The following NPEPPS variants were observed in gnomAD, a reference collection of about 807,000 sequenced individuals.
The protein encoded by NPEPPS is puromycin-sensitive aminopeptidase.
Under a neutral mutation model 115.5 loss-of-function variants are expected in NPEPPS, and 14 were observed. The observed-to-expected ratio is 0.12, with a 90% confidence interval of 0.08 to 0.19. The LOEUF is 0.19. Among genes scored for constraint, NPEPPS ranks in the 10% least tolerant of loss-of-function variants. The probability of loss-of-function intolerance (pLI) is 1.00; values close to 1 mark genes in which losing one functional copy is unlikely to be tolerated. For synonymous variants in NPEPPS, 285 were observed against 390.6 expected, an observed-to-expected ratio of 0.73 and a Z score of 3.19; for missense variants, 523 against 1,110.8, an observed-to-expected ratio of 0.47 and a Z score of 7.52.
At chr17:47,588,515 G>A (rs1912323217) in intron 9 of NPEPPS, among the ~76,000 whole-genome samples, 1 of 150,930 alleles carries the variant, frequency 6.6e-6, no homozygotes, top group Admixed American at 6.6e-5. Flanking sequence ...AGTGAGCCGA[G>A]ATCACGCCAC....
chr17:47,554,841 G>T (rs1909894264), intron 2 of NPEPPS, among the ~76,000 whole-genome samples: 1 of 152,160 alleles, frequency 6.6e-6, no homozygotes, highest in Admixed American at 6.6e-5. Context: ...TGCCTAATGG[G>T]CTGGGTGGCA....
chr17:47,608,757 G>T (rs1913668016), intron 17 of NPEPPS, among the ~76,000 whole-genome samples: 1 of 152,076 alleles, frequency 6.6e-6, no homozygotes, highest in South Asian at 2.1e-4. Flanking sequence ...AGAGCCAGGA[G>T]AGAGGGGGGG....
chr17:47,622,322 G>A lies in NPEPPS; in HGVS notation c.*402G>A, dbSNP rs928275007. ...ATTTTTGTGAAGTGGGTTCTGCAAG[G>A]AGCCTATAAAGCCAAGGGTGGTGTC... is the stretch of plus-strand genomic sequence containing the variant. On this transcript the variant is annotated 3_prime_UTR_variant, in exon 23 of 23. Coordinates refer to ENST00000322157, the MANE Select transcript of NPEPPS (RefSeq NM_006310.4). 1.1e-4 allele frequency: 18 copies of A among 164,788 alleles called. No homozygotes were observed. The highest frequency in any genetic ancestry group is 2.2e-4 in the Non-Finnish European group (17 of 77,062). The allele number at this position is 164,788 out of a possible 1,614,324, so 10.2% of individuals were successfully genotyped here.
At chr17:47,591,442 G>C (rs1272682146) in intron 10 of NPEPPS, among the ~76,000 whole-genome samples, 10 of 152,030 alleles carry the variant, frequency 6.6e-5, no homozygotes, top group Admixed American at 6.6e-4. Context: ...CATTGTTTAT[G>C]TCAAGGAAAA....
chr17:47,610,845 CT>C (rs59893483), intron 17 of NPEPPS, among the ~76,000 whole-genome samples: 57 of 100,096 alleles, frequency 5.7e-4, no homozygotes, highest in African/African-American at 1.2e-3. Flanking sequence ...TATGATGACT[CT>C]TTTTTTTTTT....
chr17:47,545,203 C>T (rs1909111080), intron 1 of NPEPPS, among the ~76,000 whole-genome samples: 1 of 152,112 alleles, frequency 6.6e-6, no homozygotes, highest in Non-Finnish European at 1.5e-5. Flanking sequence ...CACTGTGTTG[C>T]CCAAGCTGGT....
upstream of NPEPPS, among the ~76,000 whole-genome samples, chr17:47,528,841 G>A (rs1007863587): frequency 6.6e-6 from 1 of 151,688 alleles, no homozygotes; most frequent in African/African-American, 2.4e-5. Flanking sequence ...TCACCATGTT[G>A]GTCAGGCTGG....
At chr17:47,598,838 T>G (rs900895842) in intron 13 of NPEPPS, among the ~76,000 whole-genome samples, 1 of 152,140 alleles carries the variant, frequency 6.6e-6, no homozygotes, top group African/African-American at 2.4e-5. Context: ...AAACTCATCC[T>G]CCATTTTGCA....
chr17:47,555,590 G>A (rs938356912), intron 2 of NPEPPS, among the ~76,000 whole-genome samples: 6 of 151,012 alleles, frequency 4.0e-5, no homozygotes, highest in Non-Finnish European at 5.9e-5. Flanking sequence ...CAGGTGATCT[G>A]CCTGCCTCAG....
intron 9 of NPEPPS, among the ~76,000 whole-genome samples, chr17:47,588,453 A>G (rs1336128942): frequency 6.6e-6 from 1 of 151,402 alleles, no homozygotes; most frequent in African/African-American, 2.4e-5. Flanking sequence ...AATCCTAGCT[A>G]CTCTGGAGGT....
chr17:47,604,886 T>C (rs1384870444), intron 16 of NPEPPS, among the ~76,000 whole-genome samples: 1 of 152,218 alleles, frequency 6.6e-6, no homozygotes, highest in Admixed American at 6.5e-5. Context: ...GAGGCTTAAG[T>C]TGACACAGTT....
intron 1 of NPEPPS, among the ~76,000 whole-genome samples, chr17:47,544,826 C>T (rs1256627800): frequency 2.1e-5 from 3 of 144,876 alleles, no homozygotes; most frequent in Non-Finnish European, 4.5e-5. Context: ...GATTCTCCTG[C>T]CCCTGCATCG....
At chr17:47,548,737 C>T (rs938630474) in intron 2 of NPEPPS, among the ~76,000 whole-genome samples, 22 of 151,436 alleles carry the variant, frequency 1.5e-4, no homozygotes, top group African/African-American at 2.9e-4. Flanking sequence ...CCACCACACC[C>T]GGCTAATTTT....
upstream of NPEPPS, among the ~76,000 whole-genome samples, chr17:47,527,470 G>T (rs1420921814): frequency 2.0e-5 from 3 of 151,668 alleles, no homozygotes; most frequent in Non-Finnish European, 4.4e-5. Flanking sequence ...GGCAACAAGA[G>T]TGAAACTCCA....
rs1459614651 is a variant in NPEPPS, at chr17:47,585,502, T to C, written c.651T>C (p.Asn217=). ...TTTCTTTTTTTTATTTCTTAAAGAATGTAATTGACCGGAAACCATACCCTG... is the reference window on the plus strand; with the variant it reads ...TTTCTTTTTTTTATTTCTTAAAGAACGTAATTGACCGGAAACCATACCCTG... ...PKDRVALSNM[N]VIDRKPYPDD... The change falls in exon 6 of 23, where the codon AAT becomes AAC. Residue 217 remains asparagine (N), a splice_region_variant and synonymous_variant. Coordinates refer to ENST00000322157, the MANE Select transcript of NPEPPS (RefSeq NM_006310.4). The C allele has an allele frequency of 6.2e-7, 1 of 1,610,434 alleles. No homozygotes were observed. Among genetic ancestry groups the C allele is most frequent in the Non-Finnish European group, 8.5e-7 (1 of 1,176,730 alleles).
intron 1 of NPEPPS, among the ~76,000 whole-genome samples, chr17:47,524,481 A>T (rs1907344319): frequency 6.6e-6 from 1 of 150,580 alleles, no homozygotes; most frequent in Non-Finnish European, 1.5e-5. Context: ...AGGCCACCAC[A>T]CCCAGCTAAT....
chr17:47,618,253 C>T (rs768352121), intron 19 of NPEPPS, 97 bp from the exon 20 acceptor site: 5 of 732,744 alleles, frequency 6.8e-6, no homozygotes, highest in Non-Finnish European at 1.2e-5. Context: ...GAATATAGAA[C>T]CTAAGTTTTA....
At chr17:47,548,029 AAAAT>A (rs910811711) in intron 2 of NPEPPS, among the ~76,000 whole-genome samples, 10 of 152,314 alleles carry the variant, frequency 6.6e-5, no homozygotes, top group East Asian at 1.9e-4. Context: ...CCGTCTCAAA[AAAAT>A]AAATAAATAA....
chr17:47,610,206 C>T (rs1437397523), intron 17 of NPEPPS, among the ~76,000 whole-genome samples: 1 of 139,668 alleles, frequency 7.2e-6, no homozygotes, highest in Non-Finnish European at 1.5e-5. Flanking sequence ...TGTCCACTGG[C>T]AGTCACTCTC....
Sources: allele counts gnomAD v4.1 joint callset (sites outside exome capture counted in the v4.1 genomes callset), GRCh38; gene constraint gnomAD v4.1.1; transcripts MANE v1.5; gene names NCBI Gene and HGNC (gene_info 2026-07-23, HGNC 2026-07-21).